Variants in DPP10 observed in about 807,000 individuals in gnomAD.
DPP10 encodes the protein dipeptidyl peptidase like 10.
In DPP10, 33 loss-of-function variants were observed where a neutral mutation model predicts 120.9. The observed-to-expected ratio is 0.27, with a 90% CI of 0.21 to 0.37. DPP10 has a LOEUF of 0.37. DPP10 is among the 10% of genes least tolerant of loss of function. The probability of loss-of-function intolerance (pLI) is 1.00; values close to 1 mark genes in which losing one functional copy is unlikely to be tolerated. For missense variants in DPP10, 816 were observed against 942.8 expected, an observed-to-expected ratio of 0.87 and a Z score of 1.76; for synonymous variants, 337 against 326.1, an observed-to-expected ratio of 1.03 and a Z score of -0.36.
intron 1 of DPP10, among the ~76,000 whole-genome samples, chr2:114,803,771 G>A (rs564279080): frequency 2.6e-5 from 4 of 152,100 alleles, no homozygotes; most frequent in East Asian, 3.9e-4. Context: ...CAGTTTATAA[G>A]GGAAGCACAG....
intron 7 of DPP10, among the ~76,000 whole-genome samples, chr2:115,710,762 C>T (rs532266482): frequency 1.3e-5 from 2 of 152,052 alleles, no homozygotes; most frequent in South Asian, 2.1e-4. Flanking sequence ...AAGATGTATT[C>T]GCTTGGTAGC....
chr2:115,812,382 T>C (rs1487542466), intron 19 of DPP10, among the ~76,000 whole-genome samples: 1 of 152,210 alleles, frequency 6.6e-6, no homozygotes, highest in Non-Finnish European at 1.5e-5. Context: ...GTCCTATGCA[T>C]ACTAGAAATT....
chr2:115,290,448 A>G (rs1461079170), intron 1 of DPP10, among the ~76,000 whole-genome samples: 2 of 152,168 alleles, frequency 1.3e-5, no homozygotes, highest in Admixed American at 1.3e-4. Context: ...ATAACAAAAT[A>G]TTGATTCTAG....
At chr2:114,582,263 T>C (rs1352451512) in intron 1 of DPP10, among the ~76,000 whole-genome samples, 4 of 152,230 alleles carry the variant, frequency 2.6e-5, no homozygotes, top group African/African-American at 4.8e-5. Context: ...TGTCCTTTCA[T>C]GTATTGATAG....
chr2:114,820,041 G>A (rs115392793), intron 1 of DPP10, among the ~76,000 whole-genome samples: 1,610 of 152,268 alleles, frequency 0.011, 36 homozygotes, highest in African/African-American at 0.036. Flanking sequence ...TTGATTGAGT[G>A]GCTGTTCTGA....
intron 1 of DPP10, among the ~76,000 whole-genome samples, chr2:115,015,317 A>G (rs1282514234): frequency 6.6e-6 from 1 of 152,208 alleles, no homozygotes; most frequent in African/African-American, 2.4e-5. Context: ...CATGCTAAAA[A>G]TTCTCAATAA....
rs1491280011 is a variant in DPP10 at position 115,711,915 on chromosome 2, G to GTTTTTTTTTTTTTTTTTTTTTTT, written c.577-15901_577-15900insTTTTTTTTTTTTTTTTTTTTTTT. Among the ~76,000 whole-genome samples, 17 of 96,988 alleles carry GTTTTTTTTTTTTTTTTTTTTTTT rather than the reference G, an allele frequency of 1.8e-4. 7 individuals carry two copies. Among genetic ancestry groups the GTTTTTTTTTTTTTTTTTTTTTTT allele is most frequent in the Non-Finnish European group, 1.6e-4 (8 of 50,824 alleles). 63.6% of individuals were successfully genotyped at this position (96,988 alleles called of 152,430 possible). On this transcript the variant is annotated intron_variant, in intron 7 of 25. Coordinates refer to ENST00000410059, the MANE Select transcript of DPP10 (RefSeq NM_020868.6). ...GAATATTGGACCTATAAAATGGTCT[G>GTTTTTTTTTTTTTTTTTTTTTTT]GTTTTTTTTTTTTTTTTTTTTTTGG...
Position 115,484,115 on chromosome 2 carries a change from C to T in DPP10, c.272-15395C>T, listed in dbSNP as rs1208228466. On this transcript the variant is annotated intron_variant, in intron 3 of 25. Transcript: ENST00000410059. ...CTAAAAACATATTTCCTATCACAGACTCATTTTTTTTTGCCACCAGTACAC... is the reference window on the plus strand; with the variant it reads ...CTAAAAACATATTTCCTATCACAGATTCATTTTTTTTTGCCACCAGTACAC... 1.9e-4 allele frequency among the ~76,000 whole-genome samples: 23 copies of T among 119,868 alleles called. No homozygotes were observed. The Admixed American group carries it at 2.3e-3, about 12-fold the overall frequency. 78.6% of individuals were successfully genotyped at this position (119,868 alleles called of 152,430 possible).
intron 4 of DPP10, among the ~76,000 whole-genome samples, chr2:115,508,396 G>A (rs923360386): frequency 6.6e-5 from 10 of 152,050 alleles, no homozygotes; most frequent in Non-Finnish European, 1.3e-4. Flanking sequence ...AGCTCCTGCC[G>A]TAAGGATCTC....
At chr2:115,536,634 G>T (rs995117702) in intron 5 of DPP10, among the ~76,000 whole-genome samples, 3 of 151,910 alleles carry the variant, frequency 2.0e-5, no homozygotes, top group Admixed American at 6.6e-5. Flanking sequence ...ATAATTTAAG[G>T]TTCCTTTTGG....
intron 3 of DPP10, among the ~76,000 whole-genome samples, chr2:115,407,121 GCTC>G (rs1285608241): frequency 6.6e-6 from 1 of 152,168 alleles, no homozygotes; most frequent in African/African-American, 2.4e-5. Flanking sequence ...AAGAGGCCAG[GCTC>G]CTTCGCCCTG....
intron 3 of DPP10, among the ~76,000 whole-genome samples, chr2:115,444,258 TTA>T (rs1282090923): frequency 6.6e-6 from 1 of 152,222 alleles, no homozygotes; most frequent in East Asian, 1.9e-4. Context: ...ATAAATACTC[TTA>T]TATATTAATC....
chr2:115,013,372 C>A (rs919133681), intron 1 of DPP10, among the ~76,000 whole-genome samples: 1 of 152,120 alleles, frequency 6.6e-6, no homozygotes, highest in Admixed American at 6.6e-5. Context: ...CCACTGTAGT[C>A]TGATGGGCTT....
intron 21 of DPP10, among the ~76,000 whole-genome samples, chr2:115,827,339 G>GTATATGTATATGTA (rs1449508519): frequency 1.4e-5 from 2 of 142,152 alleles, no homozygotes; most frequent in African/African-American, 5.2e-5. Context: ...ATATGTATAT[G>GTATATGTATATGTA]TATATATATG....
chr2:115,134,577 T>C (rs141101538), intron 1 of DPP10, among the ~76,000 whole-genome samples: 262 of 152,284 alleles, frequency 1.7e-3, no homozygotes, highest in African/African-American at 6.0e-3. Context: ...TCCAAAATCT[T>C]TGTCCACTCT....
At chr2:115,333,699 A>T (rs142381737) in intron 2 of DPP10, among the ~76,000 whole-genome samples, 2,927 of 152,110 alleles carry the variant, frequency 0.019, 101 homozygotes, top group African/African-American at 0.066. Flanking sequence ...GTTTGGCTGG[A>T]TATAAAATTC....
At chr2:114,801,842 A>G (rs1476219939) in intron 1 of DPP10, among the ~76,000 whole-genome samples, 3 of 152,158 alleles carry the variant, frequency 2.0e-5, no homozygotes, top group African/African-American at 7.2e-5. Flanking sequence ...AGATGCTTGG[A>G]TTCATGTACA....
At chr2:114,742,724 G>A (rs1241331172) in intron 1 of DPP10, among the ~76,000 whole-genome samples, 3 of 152,166 alleles carry the variant, frequency 2.0e-5, no homozygotes, top group Admixed American at 6.6e-5. Flanking sequence ...TGATCGAACA[G>A]CAACACTGTG....
chr2:115,432,411 G>A (rs1388097392), intron 3 of DPP10, among the ~76,000 whole-genome samples: 1 of 151,966 alleles, frequency 6.6e-6, no homozygotes, highest in Non-Finnish European at 1.5e-5. Flanking sequence ...CATTGGTTCT[G>A]CTTGTTTTGC....
Sources: allele counts gnomAD v4.1 joint callset (sites outside exome capture counted in the v4.1 genomes callset), GRCh38; gene constraint gnomAD v4.1.1; transcripts MANE v1.5; gene names NCBI Gene and HGNC (gene_info 2026-07-23, HGNC 2026-07-21).